Variants in ZFYVE1 observed in about 807,000 individuals in gnomAD.
ZFYVE1 encodes the protein zinc finger FYVE domain-containing protein 1.
Under a neutral mutation model 74.4 loss-of-function variants are expected in ZFYVE1, and 30 were observed. That is an observed-to-expected ratio of 0.40 (90% CI 0.30 to 0.55). The LOEUF (loss-of-function observed/expected upper bound fraction) is 0.55, where lower values mean the gene tolerates loss of function less well. Ranked by LOEUF, ZFYVE1 falls within the 20% of genes least tolerant of loss-of-function variation. The pLI is 0.42. For missense variants in ZFYVE1, 703 were observed against 1,011.6 expected, an observed-to-expected ratio of 0.69 and a Z score of 4.14; for synonymous variants, 335 against 385.1, an observed-to-expected ratio of 0.87 and a Z score of 1.52.
rs1477048736 is a variant in ZFYVE1 at position 72,991,469 on chromosome 14, G to A, written c.1203+1674C>T. On this transcript the variant is annotated intron_variant, in intron 4 of 11. Coordinates refer to ENST00000556143, the MANE Select transcript of ZFYVE1 (RefSeq NM_021260.4). Reference sequence around the variant, plus strand: ...TTCCCAAAGTGCTGGGATTACAGGCGTGAGCCACCGCGCCCGGCCCCTGAT... The same window carrying A: ...TTCCCAAAGTGCTGGGATTACAGGCATGAGCCACCGCGCCCGGCCCCTGAT... 3.9e-5 allele frequency among the ~76,000 whole-genome samples: 6 copies of A among 152,074 alleles called. No individual in the cohort carries two copies. The East Asian group carries it at 5.8e-4, about 15-fold the overall frequency.
rs146016164 is a variant in ZFYVE1, at chr14:72,993,149, G to A, written c.1197C>T (p.Ala399=). ...GGGGCACAAGCCAACTGACCTTCAG[G>A]GCTTTGAAGATGACTCCCGGGTGCC... ...SPRHPGVIFK[A]LKALSDRFSG... Residue 399 remains alanine (A), a synonymous_variant, in exon 4 of 12, where the codon GCC becomes GCT. Transcript: ENST00000556143. The A allele has an allele frequency of 9.4e-6, 15 of 1,603,094 alleles. No individual in the cohort carries two copies. The highest frequency in any genetic ancestry group is 1.2e-5 in the Non-Finnish European group (14 of 1,173,430).
intron 2 of ZFYVE1, among the ~76,000 whole-genome samples, chr14:73,010,708 T>G (rs1278814048): frequency 6.8e-6 from 1 of 146,726 alleles, no homozygotes; most frequent in Non-Finnish European, 1.5e-5. Context: ...AGGTGGAGGT[T>G]GCAGTGAGCT....
chr14:72,997,760 C>T (rs1213424815), intron 3 of ZFYVE1, 51 bp downstream of exon 3: 1 of 1,515,678 alleles, frequency 6.6e-7, no homozygotes, highest in East Asian at 2.3e-5. Flanking sequence ...CAAATAGCTG[C>T]CTCCTTGTAC....
Position 73,026,986 on chromosome 14 carries a change from A to C in ZFYVE1, c.-495T>G. 1 of 398,804 alleles carries C rather than the reference A, an allele frequency of 2.5e-6. No homozygotes were observed. Among genetic ancestry groups the C allele is most frequent in the Non-Finnish European group, 4.4e-6 (1 of 226,298 alleles). 24.7% of individuals were successfully genotyped at this position (398,804 alleles called of 1,614,324 possible). A position where few individuals can be genotyped will look rare whatever the true frequency, so the allele number is the denominator to read the frequency against. ...GGGGCCGCAGGGCGCCAGTGGGGGC[A>C]GAGGCTATTCCTCAGGACACCGGCA... On this transcript the variant is annotated 5_prime_UTR_variant, in exon 1 of 12. Coordinates refer to ENST00000556143, the MANE Select transcript of ZFYVE1 (RefSeq NM_021260.4).
intron 2 of ZFYVE1, among the ~76,000 whole-genome samples, chr14:73,009,135 C>T (rs367812093): frequency 9.2e-5 from 14 of 152,164 alleles, no homozygotes; most frequent in Middle Eastern, 3.2e-3. Context: ...AATGTCTAGA[C>T]GCTATATCCT....
chr14:72,986,121 T>G (rs1893473181), intron 4 of ZFYVE1, among the ~76,000 whole-genome samples: 1 of 152,216 alleles, frequency 6.6e-6, no homozygotes. Context: ...CCAAGTGACC[T>G]GGTTCACTTC....
At chr14:73,015,559 T>G (rs1894185609) in intron 2 of ZFYVE1, among the ~76,000 whole-genome samples, 1 of 152,098 alleles carries the variant, frequency 6.6e-6, no homozygotes, top group Non-Finnish European at 1.5e-5. Context: ...GATTTCTGTA[T>G]TTTTAGTAGA....
intron 2 of ZFYVE1, among the ~76,000 whole-genome samples, chr14:73,018,292 G>A (rs186057171): frequency 7.9e-4 from 120 of 152,138 alleles, no homozygotes; most frequent in African/African-American, 2.9e-3. Context: ...TTAGTCGGGT[G>A]TGTTGATGGG....
chr14:72,983,326 T>A (rs2140352682), intron 4 of ZFYVE1, among the ~76,000 whole-genome samples: 1 of 151,576 alleles, frequency 6.6e-6, no homozygotes, highest in East Asian at 1.9e-4. Context: ...TAGGTGTATC[T>A]CCTAATGCTA....
Position 73,024,115 on chromosome 14 carries a change from C to T in ZFYVE1, c.394G>A (p.Ala132Thr). 2 of 1,614,188 alleles carry T rather than the reference C, an allele frequency of 1.2e-6. No individual in the cohort carries two copies. Among genetic ancestry groups the T allele is most frequent in the East Asian group, 2.2e-5 (1 of 44,882 alleles). Residue 132 changes from alanine (A) to threonine (T), a missense_variant, in exon 2 of 12, where the codon GCA (alanine) becomes ACA (threonine). By Grantham distance (58) the Ala-to-Thr change is moderately conservative (BLOSUM62 0). Transcript: ENST00000556143. ...TTGGTCTCCTCATCCATCTCTTCTG[C>T]CTCCAGTGACTCCTGGAGATTACTG... is the stretch of plus-strand genomic sequence containing the variant. ...NVSNLQESLEAEEMDEETKRK... is the reference protein window; with the variant it reads ...NVSNLQESLETEEMDEETKRK...
chr14:72,985,840 T>C (rs1453985694), intron 4 of ZFYVE1, among the ~76,000 whole-genome samples: 4 of 152,134 alleles, frequency 2.6e-5, no homozygotes, highest in Non-Finnish European at 5.9e-5. Flanking sequence ...GCTGGTCTCC[T>C]GGACTCAAGC....
intron 9 of ZFYVE1, 38 bp from the exon 10 acceptor site, chr14:72,974,997 G>A: frequency 6.3e-7 from 1 of 1,583,490 alleles, no homozygotes; most frequent in African/African-American, 1.3e-5. Flanking sequence ...AGGCAGGTAG[G>A]TATGGTACAT....
At chr14:73,018,748 C>T (rs1296969808) in intron 2 of ZFYVE1, among the ~76,000 whole-genome samples, 1 of 152,034 alleles carries the variant, frequency 6.6e-6, no homozygotes, top group Non-Finnish European at 1.5e-5. Flanking sequence ...TCAAGACCAG[C>T]GTGACCAACA....
At chr14:72,985,737 G>A (rs1472811193) in intron 4 of ZFYVE1, among the ~76,000 whole-genome samples, 1 of 149,466 alleles carries the variant, frequency 6.7e-6, no homozygotes, top group African/African-American at 2.5e-5. Context: ...CCAAAGAATA[G>A]CAATTATTAT....
At chr14:72,974,654 C>G (rs564958686) in intron 10 of ZFYVE1, 125 bp downstream of exon 10, 1 of 1,295,514 alleles carries the variant, frequency 7.7e-7, no homozygotes, top group African/African-American at 1.5e-5. Flanking sequence ...GCTGACTGGC[C>G]AAGACCAGAA....
intron 2 of ZFYVE1, among the ~76,000 whole-genome samples, chr14:73,022,870 A>G (rs928184114): frequency 1.5e-4 from 23 of 152,132 alleles, no homozygotes; most frequent in Non-Finnish European, 1.2e-4. Context: ...AGAAACCTAT[A>G]CAAGAAAATA....
intron 4 of ZFYVE1, chr14:72,986,919 TCTC>T (rs747501933): frequency 4.6e-5 from 45 of 985,246 alleles, no homozygotes; most frequent in Non-Finnish European, 5.4e-5. Flanking sequence ...TTTCTTGGGT[TCTC>T]CTCCTCCTGA....
At chr14:72,974,014 G>A in intron 11 of ZFYVE1, 66 bp downstream of exon 11, 4 of 1,445,266 alleles carry the variant, frequency 2.8e-6, no homozygotes, top group Non-Finnish European at 2.9e-6. Context: ...CAAAGTGACA[G>A]CCCAGGGCAC....
In ZFYVE1 at chr14:72,971,053, G is replaced by A; in HGVS notation, c.2163C>T (p.Cys721=). ...TGCTGAACTCCTTCCGGCAGTTGTGGCAGTGGAGGATTTCGTGGTCAGGCA... is the reference window on the plus strand; with the variant it reads ...TGCTGAACTCCTTCCGGCAGTTGTGACAGTGGAGGATTTCGTGGTCAGGCA... ...YWVPDHEILH[C]HNCRKEFSIK... The change falls in exon 12 of 12, where the codon TGC becomes TGT. Residue 721 remains cysteine, a synonymous_variant. Coordinates refer to ENST00000556143, the MANE Select transcript of ZFYVE1 (RefSeq NM_021260.4). 3 of 1,614,218 alleles carry A rather than the reference G, an allele frequency of 1.9e-6. No homozygotes were observed. Among genetic ancestry groups the A allele is most frequent in the South Asian group, 2.2e-5 (2 of 91,080 alleles).
Sources: allele counts gnomAD v4.1 joint callset (sites outside exome capture counted in the v4.1 genomes callset), GRCh38; gene constraint gnomAD v4.1.1; transcripts MANE v1.5; gene names NCBI Gene and HGNC (gene_info 2026-07-23, HGNC 2026-07-21).